The following TNIK variants were observed in gnomAD, a reference collection of about 807,000 sequenced individuals.
The protein encoded by TNIK is TRAF2 and NCK interacting kinase.
Under a neutral mutation model 191.3 loss-of-function variants are expected in TNIK, and 49 were observed. That is an observed-to-expected ratio of 0.26 (90% confidence interval 0.20 to 0.32). The LOEUF is 0.32. Ranked by LOEUF, TNIK falls within the 10% of genes least tolerant of loss-of-function variation. The pLI is 1.00. For missense variants in TNIK, 1,155 were observed against 1,702.3 expected, an observed-to-expected ratio of 0.68 and a Z score of 5.66; for synonymous variants, 594 against 600.9, an observed-to-expected ratio of 0.99 and a Z score of 0.17.
Position 171,215,343 on chromosome 3 carries a change from G to A in TNIK, c.181-4102C>T, listed in dbSNP as rs188333992. On this transcript the variant is annotated intron_variant, in intron 3 of 32. Transcript: ENST00000436636. ...AGCCAAAGCCAAAACCTCATGTAAT[G>A]TTTACTGTGTACCAGGAGGTATGTA... Among the ~76,000 whole-genome samples the A allele has an allele frequency of 7.9e-5, 12 of 152,272 alleles. No individual in the cohort carries two copies. In the East Asian group the frequency reaches 1.7e-3, roughly 22 times the overall value.
At chr3:171,118,734 A>C (rs1727161831) in intron 18 of TNIK, among the ~76,000 whole-genome samples, 1 of 152,304 alleles carries the variant, frequency 6.6e-6, no homozygotes, top group Non-Finnish European at 1.5e-5. Context: ...CTGGCTAGCC[A>C]TATGTAGAAA....
At chr3:171,352,427 C>G (rs969208421) in intron 2 of TNIK, among the ~76,000 whole-genome samples, 4 of 152,200 alleles carry the variant, frequency 2.6e-5, no homozygotes, top group African/African-American at 7.2e-5. Context: ...GCCACATGTT[C>G]TTTTGTGTTA....
At chr3:171,280,325 G>T (rs1396994790) in intron 2 of TNIK, among the ~76,000 whole-genome samples, 1 of 152,168 alleles carries the variant, frequency 6.6e-6, no homozygotes, top group Non-Finnish European at 1.5e-5. Context: ...AAAATCTTGG[G>T]TTCTAAGAGG....
intron 28 of TNIK, among the ~76,000 whole-genome samples, chr3:171,072,281 A>G (rs1202345972): frequency 2.0e-5 from 3 of 152,202 alleles, no homozygotes; most frequent in Non-Finnish European, 4.4e-5. Flanking sequence ...ACTAGGTAGG[A>G]AAAATTTTAA....
chr3:171,372,140 A>G (rs1469125851), intron 1 of TNIK, among the ~76,000 whole-genome samples: 2 of 152,144 alleles, frequency 1.3e-5, no homozygotes, highest in Admixed American at 6.6e-5. Flanking sequence ...GAAGATCTGG[A>G]CAGCTGACTT....
intron 4 of TNIK, among the ~76,000 whole-genome samples, chr3:171,209,989 C>T (rs1016506791): frequency 6.6e-6 from 1 of 152,194 alleles, no homozygotes; most frequent in African/African-American, 2.4e-5. Flanking sequence ...ATCCACACAG[C>T]TCAGCACAGT....
At chr3:171,452,875 A>G (rs1728352557) in intron 1 of TNIK, among the ~76,000 whole-genome samples, 1 of 152,158 alleles carries the variant, frequency 6.6e-6, no homozygotes, top group Non-Finnish European at 1.5e-5. Flanking sequence ...AGAAATAGGA[A>G]TACCTACCCA....
At chr3:171,333,367 C>T (rs1460116672) in intron 2 of TNIK, among the ~76,000 whole-genome samples, 1 of 151,796 alleles carries the variant, frequency 6.6e-6, no homozygotes, top group African/African-American at 2.4e-5. Flanking sequence ...ACCAGCCTGG[C>T]CAACATGATG....
At chr3:171,342,887 C>G (rs945910114) in intron 2 of TNIK, among the ~76,000 whole-genome samples, 3 of 152,094 alleles carry the variant, frequency 2.0e-5, no homozygotes, top group Non-Finnish European at 4.4e-5. Context: ...CCATGCTGTT[C>G]TTGTAATAGT....
chr3:171,145,646 A>G (rs1206140830), intron 12 of TNIK, among the ~76,000 whole-genome samples: 1 of 152,200 alleles, frequency 6.6e-6, no homozygotes, highest in Non-Finnish European at 1.5e-5. Flanking sequence ...TTGGCTATGT[A>G]GAATTTTTGC....
chr3:171,368,292 C>G (rs1226522200), intron 2 of TNIK, among the ~76,000 whole-genome samples: 2 of 152,180 alleles, frequency 1.3e-5, no homozygotes, highest in Admixed American at 1.3e-4. Context: ...AGAGTTGCTC[C>G]TTCATATTGA....
intron 2 of TNIK, among the ~76,000 whole-genome samples, chr3:171,319,396 A>G (rs981675658): frequency 2.1e-4 from 32 of 152,284 alleles, no homozygotes; most frequent in African/African-American, 7.2e-4. Context: ...AGTTAAAATT[A>G]CAAAGAGTGT....
chr3:171,104,313 T>TCTATTTTCATATATTTTA (rs1428103699), intron 21 of TNIK, among the ~76,000 whole-genome samples: 23 of 152,156 alleles, frequency 1.5e-4, no homozygotes, highest in Non-Finnish European at 5.9e-5. Context: ...TGGGTTCAAT[T>TCTATTTTCATATATTTTA]CTATTTTCAT....
At chr3:171,376,248 A>T (rs1717197215) in intron 1 of TNIK, among the ~76,000 whole-genome samples, 1 of 152,178 alleles carries the variant, frequency 6.6e-6, no homozygotes, top group Non-Finnish European at 1.5e-5. Flanking sequence ...AAAGTACAGC[A>T]TTAGGAAACT....
At chr3:171,186,520 TC>T (rs1016074700) in intron 7 of TNIK, among the ~76,000 whole-genome samples, 3 of 152,236 alleles carry the variant, frequency 2.0e-5, no homozygotes, top group African/African-American at 7.2e-5. Context: ...GTCATCCTCC[TC>T]TTTTTACCCA....
intron 6 of TNIK, among the ~76,000 whole-genome samples, chr3:171,190,156 T>C (rs1286940246): frequency 1.3e-5 from 2 of 152,174 alleles, no homozygotes; most frequent in Admixed American, 6.5e-5. Context: ...CTCTAACAGA[T>C]ACGCCAAAGA....
intron 12 of TNIK, among the ~76,000 whole-genome samples, chr3:171,143,339 A>G (rs1243429185): frequency 2.0e-5 from 3 of 152,198 alleles, no homozygotes; most frequent in African/African-American, 7.2e-5. Context: ...AAACATATCA[A>G]TGCAAGACCA....
At chr3:171,214,693 A>G (rs1173453346) in intron 3 of TNIK, among the ~76,000 whole-genome samples, 1 of 152,196 alleles carries the variant, frequency 6.6e-6, no homozygotes, top group Non-Finnish European at 1.5e-5. Flanking sequence ...CCGGTACTCT[A>G]GGAAGAAGGA....
intron 16 of TNIK, among the ~76,000 whole-genome samples, chr3:171,128,198 A>G (rs1728743990): frequency 6.6e-6 from 1 of 152,150 alleles, no homozygotes; most frequent in East Asian, 1.9e-4. Context: ...GGGCCCAATA[A>G]TCTGCATTTC....
Sources: allele counts gnomAD v4.1 joint callset (sites outside exome capture counted in the v4.1 genomes callset), GRCh38; gene constraint gnomAD v4.1.1; transcripts MANE v1.5; gene names NCBI Gene and HGNC (gene_info 2026-07-23, HGNC 2026-07-21).